The following MPP7 variants were observed in gnomAD, a reference collection of about 807,000 sequenced individuals.
The protein encoded by MPP7 is MAGUK p55 scaffold protein 7.
A neutral mutation model predicts 76.5 loss-of-function variants in MPP7; 60 were observed. That is an observed-to-expected ratio of 0.78 (90% CI 0.64 to 0.97). The LOEUF (loss-of-function observed/expected upper bound fraction) is 0.97, where lower values mean the gene tolerates loss of function less well. Ranked by LOEUF, MPP7 falls within the 50% of genes least tolerant of loss-of-function variation. The pLI is 0.00. For missense variants in MPP7, 641 were observed against 694.0 expected (o/e 0.92, Z 0.86); for synonymous variants, 237 against 244.5 (o/e 0.97, Z 0.29).
intron 12 of MPP7, among the ~76,000 whole-genome samples, chr10:28,075,291 C>T (rs974159266): frequency 1.1e-4 from 17 of 152,068 alleles, no homozygotes; most frequent in Non-Finnish European, 7.4e-5. Flanking sequence ...AACCCTATCA[C>T]GTGCCAAGGA....
At chr10:28,120,415 T>C in intron 9 of MPP7, 25 bp from the exon 10 acceptor site, 2 of 1,591,026 alleles carry the variant, frequency 1.3e-6, no homozygotes, top group Admixed American at 1.8e-5. Context: ...TCATTAAAGA[T>C]GAATAAAGAT....
At chr10:28,176,651 T>G (rs2133889434) in intron 3 of MPP7, among the ~76,000 whole-genome samples, 1 of 151,576 alleles carries the variant, frequency 6.6e-6, no homozygotes, top group South Asian at 2.1e-4. Flanking sequence ...GCAGGAGAAT[T>G]GCTGGAACTC....
chr10:28,292,308 A>G (rs1840939741), intron 1 of MPP7, among the ~76,000 whole-genome samples: 1 of 152,230 alleles, frequency 6.6e-6, no homozygotes, highest in African/African-American at 2.4e-5. Context: ...TAAGTGATGC[A>G]TAGTTGTCGA....
intron 11 of MPP7, among the ~76,000 whole-genome samples, chr10:28,107,671 G>C (rs568695895): frequency 1.3e-5 from 2 of 152,126 alleles, no homozygotes; most frequent in East Asian, 3.9e-4. Flanking sequence ...CCACTGCATG[G>C]GCTAGCTTTG....
chr10:28,262,226 C>A (rs796197700), intron 1 of MPP7, among the ~76,000 whole-genome samples: 1 of 42,634 alleles, frequency 2.3e-5, no homozygotes, highest in Non-Finnish European at 3.8e-5. Context: ...TATATATATA[C>A]ATATATATAT....
chr10:28,175,555 A>T (rs1258358510), intron 3 of MPP7, among the ~76,000 whole-genome samples: 3 of 152,312 alleles, frequency 2.0e-5, no homozygotes, highest in South Asian at 4.1e-4. Context: ...ATTTTTTAAG[A>T]ATCAGAAATT....
intron 3 of MPP7, among the ~76,000 whole-genome samples, chr10:28,193,859 C>T (rs539720844): frequency 2.0e-4 from 28 of 141,540 alleles, no homozygotes; most frequent in African/African-American, 6.4e-4. Flanking sequence ...CTACTATACA[C>T]CAACTAGAAT....
chr10:28,291,960 AC>A (rs1203752742), intron 1 of MPP7, among the ~76,000 whole-genome samples: 1 of 152,186 alleles, frequency 6.6e-6, no homozygotes, highest in Non-Finnish European at 1.5e-5. Flanking sequence ...ACATTCACTC[AC>A]CACCCACTCA....
At chr10:28,078,031 A>C (rs2133394471) in intron 12 of MPP7, among the ~76,000 whole-genome samples, 1 of 152,342 alleles carries the variant, frequency 6.6e-6, no homozygotes, top group East Asian at 1.9e-4. Flanking sequence ...AATTTCCCAA[A>C]GGTCACACAT....
intron 2 of MPP7, among the ~76,000 whole-genome samples, chr10:28,229,605 A>G (rs1838808645): frequency 6.6e-6 from 1 of 152,134 alleles, no homozygotes; most frequent in South Asian, 2.1e-4. Flanking sequence ...AACTGTGACA[A>G]TGGGCCAGGC....
At chr10:28,106,201 A>T (rs1031164628) in intron 11 of MPP7, among the ~76,000 whole-genome samples, 2 of 152,084 alleles carry the variant, frequency 1.3e-5, no homozygotes, top group Admixed American at 6.6e-5. Context: ...ATTCCACCCA[A>T]TCTAGTCTTA....
At chr10:28,262,208 C>CATATATATATATACAT (rs1839984434) in intron 1 of MPP7, among the ~76,000 whole-genome samples, 1 of 60,110 alleles carries the variant, frequency 1.7e-5, no homozygotes, top group African/African-American at 9.6e-5. Flanking sequence ...TATATATATA[C>CATATATATATATACAT]ATATATATAT....
intron 11 of MPP7, chr10:28,119,021 C>T: frequency 2.0e-6 from 2 of 985,242 alleles, no homozygotes; most frequent in East Asian, 1.1e-4. Flanking sequence ...ACTTGAAGAG[C>T]TGGGTGGTGG....
chr10:28,306,664 T>G (rs115320606), upstream of MPP7, among the ~76,000 whole-genome samples: 1 of 41,220 alleles, frequency 2.4e-5, no homozygotes, highest in African/African-American at 8.2e-5. Flanking sequence ...AGATGATAGA[T>G]AGATAGAGAG....
At chr10:28,127,538 T>C (rs1835057118) in intron 6 of MPP7, among the ~76,000 whole-genome samples, 1 of 152,146 alleles carries the variant, frequency 6.6e-6, no homozygotes, top group South Asian at 2.1e-4. Flanking sequence ...AATCACATTT[T>C]ACATGGATGG....
chr10:28,161,465 C>T (rs7081846), intron 3 of MPP7, among the ~76,000 whole-genome samples: 113,505 of 151,268 alleles, frequency 0.75, 42,567 homozygotes, highest in Middle Eastern at 0.85. Flanking sequence ...ATTCTTTTTT[C>T]AATAGAACAT....
chr10:28,316,627 T>A (rs1834323730), intron 2 of MPP7, among the ~76,000 whole-genome samples: 1 of 152,050 alleles, frequency 6.6e-6, no homozygotes, highest in South Asian at 2.1e-4. Context: ...ATCTTCTCAA[T>A]TTTTCTGTAA....
At chr10:28,187,203 T>A (rs1837266002) in intron 3 of MPP7, among the ~76,000 whole-genome samples, 1 of 152,150 alleles carries the variant, frequency 6.6e-6, no homozygotes. Flanking sequence ...CACTAAATAT[T>A]CACAAATATG....
At chr10:28,300,972 A>G (rs1470692281) in intron 1 of MPP7, among the ~76,000 whole-genome samples, 3 of 151,586 alleles carry the variant, frequency 2.0e-5, no homozygotes, top group African/African-American at 7.3e-5. Context: ...AAAGAGTTCC[A>G]TTCAGTAATC....
Sources: gnomAD v4.1 joint callset for allele counts (sites outside exome capture counted in the v4.1 genomes callset) on GRCh38, gnomAD v4.1.1 for gene constraint, MANE v1.5 for transcripts, NCBI Gene and HGNC (gene_info 2026-07-23, HGNC 2026-07-21) for gene names.